GLRA3: variants seen among roughly 807,000 people sequenced by gnomAD.
GLRA3 encodes glycine receptor alpha 3, also known as glycine receptor subunit alpha-3.
A neutral mutation model predicts 60.4 loss-of-function variants in GLRA3; 44 were observed. That is an observed-to-expected ratio of 0.73 (90% confidence interval 0.57 to 0.94). The LOEUF (loss-of-function observed/expected upper bound fraction) is 0.94. Among genes scored for constraint, GLRA3 ranks in the 40% least tolerant of loss-of-function variants. The probability of loss-of-function intolerance (pLI) is 0.00; values close to 1 mark genes in which losing one functional copy is unlikely to be tolerated. For missense variants in GLRA3, 508 were observed against 564.6 expected, an observed-to-expected ratio of 0.90 and a Z score of 1.02; for synonymous variants, 223 against 192.9, an observed-to-expected ratio of 1.16 and a Z score of -1.29.
intron 3 of GLRA3, among the ~76,000 whole-genome samples, chr4:174,758,253 T>A (rs1439622510): frequency 6.6e-6 from 1 of 152,134 alleles, no homozygotes; most frequent in Non-Finnish European, 1.5e-5. Flanking sequence ...GGAGTTACTT[T>A]ACAATGGAAA....
intron 1 of GLRA3, among the ~76,000 whole-genome samples, chr4:174,812,245 A>G (rs376232022): frequency 1.3e-5 from 2 of 152,192 alleles, no homozygotes; most frequent in African/African-American, 4.8e-5. Context: ...ACATAAAAGC[A>G]TGATATTTTG....
chr4:174,670,419 T>A (rs1323822004), intron 7 of GLRA3, among the ~76,000 whole-genome samples: 1 of 152,134 alleles, frequency 6.6e-6, no homozygotes, highest in Non-Finnish European at 1.5e-5. Context: ...GCAAAGTGCT[T>A]TCTTTCACTG....
chr4:174,735,624 C>T (rs1736754103), intron 3 of GLRA3, among the ~76,000 whole-genome samples: 1 of 152,044 alleles, frequency 6.6e-6, no homozygotes, highest in Non-Finnish European at 1.5e-5. Flanking sequence ...GCAGTGGTGC[C>T]AACTCTGCTC....
At chr4:174,650,745 T>C (rs6838325) in intron 9 of GLRA3, among the ~76,000 whole-genome samples, 81,335 of 151,964 alleles carry the variant, frequency 0.54, 23,170 homozygotes, top group African/African-American at 0.74. Flanking sequence ...GTAAAAAAAT[T>C]CTGTGTGACA....
intron 5 of GLRA3, among the ~76,000 whole-genome samples, chr4:174,703,943 T>C (rs921936145): frequency 6.6e-6 from 1 of 151,980 alleles, no homozygotes; most frequent in Non-Finnish European, 1.5e-5. Flanking sequence ...GGCCATTTGA[T>C]TTAGGGGAAT....
intron 1 of GLRA3, among the ~76,000 whole-genome samples, chr4:174,818,226 T>C (rs1244440843): frequency 2.0e-5 from 3 of 152,190 alleles, no homozygotes; most frequent in African/African-American, 7.2e-5. Flanking sequence ...TTAGAAAATA[T>C]TTAAAATAAA....
chr4:174,732,997 G>A (rs1018828968), intron 3 of GLRA3, among the ~76,000 whole-genome samples: 1 of 152,108 alleles, frequency 6.6e-6, no homozygotes, highest in Non-Finnish European at 1.5e-5. Context: ...ATTCAATAGT[G>A]TTTATGTTAT....
At chr4:174,772,557 C>A (rs1263074386) in intron 2 of GLRA3, among the ~76,000 whole-genome samples, 1 of 152,068 alleles carries the variant, frequency 6.6e-6, no homozygotes, top group Non-Finnish European at 1.5e-5. Context: ...ATGGTAGACA[C>A]TTACTTGAAA....
chr4:174,675,041 C>A (rs1300055976), intron 7 of GLRA3, among the ~76,000 whole-genome samples: 2 of 152,084 alleles, frequency 1.3e-5, no homozygotes, highest in African/African-American at 4.8e-5. Context: ...TTAATTATGC[C>A]AAACCTCCTA....
intron 5 of GLRA3, among the ~76,000 whole-genome samples, chr4:174,688,334 TATATATATA>T (rs1734634954): frequency 9.1e-6 from 1 of 110,400 alleles, no homozygotes; most frequent in Admixed American, 8.2e-5. Flanking sequence ...TATATATATA[TATATATATA>T]TATATATATA....
rs1241509061 is a variant in GLRA3, at chr4:174,643,112, T to C, written c.*674A>G. On this transcript the variant is annotated 3_prime_UTR_variant, in exon 10 of 10. Coordinates refer to ENST00000274093, the MANE Select transcript of GLRA3 (RefSeq NM_006529.4). ...CACCTTCGTTCCTAGAGATACAAAG[T>C]TTAAGAAAAGTAGATTGTGACTGTA... 3 of 923,046 alleles carry C rather than the reference T, an allele frequency of 3.3e-6. No homozygotes were observed. In the African/African-American group the frequency reaches 5.4e-5, roughly 17 times the overall value. 57.2% of individuals were successfully genotyped at this position (923,046 alleles called of 1,614,324 possible).
intron 9 of GLRA3, among the ~76,000 whole-genome samples, chr4:174,650,354 G>C (rs1445013359): frequency 6.6e-6 from 1 of 152,116 alleles, no homozygotes; most frequent in Non-Finnish European, 1.5e-5. Flanking sequence ...TAGCCAAGCT[G>C]GTCCCTCTGA....
At chr4:174,782,722 T>C (rs368317238) in intron 2 of GLRA3, among the ~76,000 whole-genome samples, 1 of 152,052 alleles carries the variant, frequency 6.6e-6, no homozygotes, top group Non-Finnish European at 1.5e-5. Context: ...TTCACAATTG[T>C]TTCAAAGAGA....
chr4:174,777,902 C>T (rs1048598596), intron 2 of GLRA3, among the ~76,000 whole-genome samples: 2 of 152,220 alleles, frequency 1.3e-5, no homozygotes, highest in African/African-American at 4.8e-5. Flanking sequence ...AACCAGAACT[C>T]AGAAAATATA....
intron 2 of GLRA3, among the ~76,000 whole-genome samples, chr4:174,788,590 T>TAAAAA (rs35640897): frequency 3.0e-4 from 26 of 87,858 alleles, no homozygotes; most frequent in East Asian, 8.5e-4. Flanking sequence ...GTTAGAGAAG[T>TAAAAA]AAAAAAAAAA....
chr4:174,657,966 A>G (rs1241568749), intron 8 of GLRA3, among the ~76,000 whole-genome samples: 4 of 152,160 alleles, frequency 2.6e-5, no homozygotes, highest in African/African-American at 9.7e-5. Context: ...AATGATAAGT[A>G]AAGTTACTGC....
In GLRA3 at chr4:174,829,137, C is replaced by G. The variant is rs559850616; in HGVS notation, c.-326G>C. ...AGCAAAGGAAGAATGTTCGTTCTTC[C>G]CTGACTGAGACCCAGGATTGGAGGA... On this transcript the variant is annotated 5_prime_UTR_variant, in exon 1 of 10. Transcript: ENST00000274093. 9.6e-6 allele frequency: 2 copies of G among 207,710 alleles called. No homozygotes were observed. Among genetic ancestry groups the G allele is most frequent in the Non-Finnish European group, 1.9e-5 (2 of 102,604 alleles). The allele number at this position is 207,710 out of a possible 1,614,324, so 12.9% of individuals were successfully genotyped here.
chr4:174,801,752 T>C (rs1739821721), intron 1 of GLRA3, among the ~76,000 whole-genome samples: 1 of 152,056 alleles, frequency 6.6e-6, no homozygotes, highest in African/African-American at 2.4e-5. Context: ...ACTCTTACTT[T>C]CATTATGATC....
At chr4:174,656,528 T>C (rs1301998504) in intron 9 of GLRA3, among the ~76,000 whole-genome samples, 2 of 152,106 alleles carry the variant, frequency 1.3e-5, no homozygotes, top group Admixed American at 1.3e-4. Context: ...AAGGGTAATA[T>C]TTAAATATCC....
Sources: allele counts gnomAD v4.1 joint callset (sites outside exome capture counted in the v4.1 genomes callset), GRCh38; gene constraint gnomAD v4.1.1; transcripts MANE v1.5; gene names NCBI Gene and HGNC (gene_info 2026-07-23, HGNC 2026-07-21).